TNRC6B: variants seen among roughly 807,000 people sequenced by gnomAD.
TNRC6B encodes trinucleotide repeat containing adaptor 6B.
Under a neutral mutation model 203.6 loss-of-function variants are expected in TNRC6B, and 52 were observed. The ratio of observed to expected loss-of-function variants is 0.26; its 90% CI spans 0.20 to 0.32. The LOEUF (loss-of-function observed/expected upper bound fraction) is 0.32. Ranked by LOEUF, TNRC6B falls within the 10% of genes least tolerant of loss-of-function variation. The pLI, the probability that TNRC6B is intolerant of heterozygous loss-of-function variation, is 1.00. For missense variants in TNRC6B, 1,923 were observed against 2,286.2 expected (o/e 0.84, Z 3.24); for synonymous variants, 838 against 845.7 (o/e 0.99, Z 0.16).
chr22:40,073,119 C>T (rs1161584524), intron 1 of TNRC6B, among the ~76,000 whole-genome samples: 1 of 151,234 alleles, frequency 6.6e-6, no homozygotes, highest in Non-Finnish European at 1.5e-5. Context: ...TGCCCCACAC[C>T]CTACACATAC....
chr22:40,273,706 C>T (rs758896228), intron 7 of TNRC6B, 106 bp downstream of exon 7: 4 of 1,302,756 alleles, frequency 3.1e-6, no homozygotes, highest in Non-Finnish European at 4.1e-6. Context: ...CCTCTGTCAC[C>T]CAGACTGGAG....
In TNRC6B at chr22:40,268,916, A is replaced by AAAAAAAAAAAT. The variant is rs1417470920; in HGVS notation, c.2807-1204_2807-1203insAAAAAAAATAA. Among the ~76,000 whole-genome samples, 298 of 148,754 alleles carry AAAAAAAAAAAT rather than the reference A, an allele frequency of 2.0e-3. 1 individual carries two copies. Among genetic ancestry groups the AAAAAAAAAAAT allele is most frequent in the African/African-American group, 7.1e-3 (288 of 40,508 alleles). Reference sequence around the variant, plus strand: ...CGACAGAGCAAGACTCCGTCTCAAAAAATAATAATAATAATAATAATAATA... The same window carrying AAAAAAAAAAAT: ...CGACAGAGCAAGACTCCGTCTCAAAAAAAAAAAAAATAATAATAATAATAATAATAATAATA... On this transcript the variant is annotated intron_variant, in intron 5 of 22. Transcript: ENST00000454349.
chr22:40,270,059 C>G (rs971249451), intron 5 of TNRC6B, 63 bp from the exon 6 acceptor site: 42 of 1,513,414 alleles, frequency 2.8e-5, no homozygotes, highest in Non-Finnish European at 3.7e-5. Flanking sequence ...CACCTTCACC[C>G]CACTGGATAT....
chr22:40,297,430 G>A (rs1814304025), intron 12 of TNRC6B, among the ~76,000 whole-genome samples: 1 of 152,192 alleles, frequency 6.6e-6, no homozygotes, highest in African/African-American at 2.4e-5. Flanking sequence ...AGTTAAATAT[G>A]ATAGAGGTTC....
intron 3 of TNRC6B, among the ~76,000 whole-genome samples, chr22:40,130,983 G>A (rs2068538541): frequency 6.7e-6 from 1 of 149,692 alleles, no homozygotes; most frequent in South Asian, 2.2e-4. Context: ...GTCACTGCAA[G>A]CTCCGCCTCC....
rs767670137 is a variant in TNRC6B, at chr22:40,120,726, A to G, written c.-47+3598A>G. Reference sequence around the variant, plus strand: ...TCTGAACCAACAGAGACTTAGCACAAAGGAGTAAGGCAGACAGGTGGAGAT... The same window carrying G: ...TCTGAACCAACAGAGACTTAGCACAGAGGAGTAAGGCAGACAGGTGGAGAT... On this transcript the variant is annotated intron_variant, in intron 2 of 23. Transcript: ENST00000301923. Among the ~76,000 whole-genome samples the G allele has an allele frequency of 4.6e-5, 7 of 152,208 alleles. No homozygotes were observed. In the South Asian group the frequency reaches 1.0e-3, roughly 23 times the overall value.
intron 3 of TNRC6B, among the ~76,000 whole-genome samples, chr22:40,150,976 C>T (rs1404625057): frequency 1.3e-5 from 2 of 152,110 alleles, no homozygotes; most frequent in African/African-American, 4.8e-5. Context: ...AAATCAAGCT[C>T]TTTAGGGTCT....
rs1424187807 is a variant in TNRC6B, at chr22:40,330,466, A to G, written c.*7225A>G. ...AGAAGAGCTTTACAGAGAGGAGGAC[A>G]GTACATCCTATGTGTGTTCGCCAAA... On this transcript the variant is annotated 3_prime_UTR_variant, in exon 23 of 23. Transcript: ENST00000454349. The G allele has an allele frequency of 1.3e-5, 2 of 152,288 alleles. No homozygotes were observed. Among genetic ancestry groups the G allele is most frequent in the Non-Finnish European group, 2.9e-5 (2 of 68,042 alleles). 9.4% of individuals were successfully genotyped at this position (152,288 alleles called of 1,614,324 possible).
upstream of TNRC6B, among the ~76,000 whole-genome samples, chr22:40,173,793 ATTTTTTTT>A (rs1160322782): frequency 6.3e-3 from 410 of 64,772 alleles, 8 homozygotes; most frequent in African/African-American, 0.026. Context: ...ATATATATAT[ATTTTTTTT>A]TTTTTTTTTT....
intron 7 of TNRC6B, 21 bp downstream of exon 7, chr22:40,273,621 C>T (rs201913279): frequency 4.3e-5 from 67 of 1,542,902 alleles, no homozygotes; most frequent in Non-Finnish European, 5.2e-5. Flanking sequence ...TAGAAATGTT[C>T]GCACTTGCTC....
At chr22:40,151,143 C>T (rs1011216151) in intron 3 of TNRC6B, among the ~76,000 whole-genome samples, 13 of 152,144 alleles carry the variant, frequency 8.5e-5, no homozygotes, top group East Asian at 3.8e-4. Flanking sequence ...TGGTGGCTCA[C>T]GCCTGTAATC....
At chr22:40,161,840 T>C (rs1192149465) in intron 4 of TNRC6B, among the ~76,000 whole-genome samples, 2 of 152,204 alleles carry the variant, frequency 1.3e-5, no homozygotes, top group Non-Finnish European at 2.9e-5. Context: ...GCAAAGTTTA[T>C]TGCCATATAA....
At chr22:40,131,719 T>G (rs1601831156) in intron 3 of TNRC6B, among the ~76,000 whole-genome samples, 2 of 152,246 alleles carry the variant, frequency 1.3e-5, no homozygotes, top group South Asian at 2.1e-4. Context: ...CACATCAGTT[T>G]AGAACGAGCT....
chr22:40,228,871 T>C (rs1357896956), intron 1 of TNRC6B, among the ~76,000 whole-genome samples: 1 of 152,116 alleles, frequency 6.6e-6, no homozygotes, highest in Non-Finnish European at 1.5e-5. Context: ...AAACCACTCC[T>C]AATTTCAGGC....
chr22:40,079,544 ATTAT>A, intron 1 of TNRC6B, among the ~76,000 whole-genome samples: 1 of 151,508 alleles, frequency 6.6e-6, no homozygotes, highest in Middle Eastern at 3.4e-3. Context: ...TAATTATTTT[ATTAT>A]TTATATTTAA....
At chr22:40,249,735 G>T (rs775755577) in intron 2 of TNRC6B, among the ~76,000 whole-genome samples, 1 of 152,152 alleles carries the variant, frequency 6.6e-6, no homozygotes, top group Non-Finnish European at 1.5e-5. Context: ...TTCGGGAATT[G>T]GTATGTGGCT....
At chr22:40,295,998 G>A (rs2070934077) in intron 12 of TNRC6B, among the ~76,000 whole-genome samples, 1 of 152,138 alleles carries the variant, frequency 6.6e-6, no homozygotes, top group African/African-American at 2.4e-5. Flanking sequence ...GTCTTCGAGG[G>A]GAGTTTAATG....
intron 11 of TNRC6B, among the ~76,000 whole-genome samples, chr22:40,284,337 G>A (rs976868099): frequency 1.3e-5 from 2 of 152,142 alleles, no homozygotes; most frequent in Non-Finnish European, 2.9e-5. Flanking sequence ...AGCCATCACA[G>A]TATTTTTAGT....
chr22:40,267,250 T>C (rs1372142158), intron 5 of TNRC6B, among the ~76,000 whole-genome samples: 1 of 152,240 alleles, frequency 6.6e-6, no homozygotes, highest in Non-Finnish European at 1.5e-5. Context: ...AAGGAAAAGA[T>C]GACAACCCTG....
Sources: gnomAD v4.1 joint callset for allele counts (sites outside exome capture counted in the v4.1 genomes callset) on GRCh38, gnomAD v4.1.1 for gene constraint, MANE v1.5 for transcripts, NCBI Gene and HGNC (gene_info 2026-07-23, HGNC 2026-07-21) for gene names.